Variants in RNF103 observed in about 807,000 individuals in gnomAD.
RNF103 encodes ring finger protein 103.
RNF103 carries 23 observed loss-of-function variants against 66.2 expected under a neutral mutation model. The ratio of observed to expected loss-of-function variants is 0.35; its 90% CI spans 0.25 to 0.49. The LOEUF (loss-of-function observed/expected upper bound fraction) is 0.49, where lower values mean the gene tolerates loss of function less well. RNF103 is among the 20% of genes least tolerant of loss of function. The pLI is 0.98. For synonymous variants in RNF103, 297 were observed against 289.9 expected, an observed-to-expected ratio of 1.02 and a Z score of -0.25; for missense variants, 730 against 814.7, an observed-to-expected ratio of 0.90 and a Z score of 1.27.
intron 2 of RNF103, among the ~76,000 whole-genome samples, chr2:86,615,602 A>G (rs1343613004): frequency 1.3e-5 from 2 of 151,230 alleles, no homozygotes; most frequent in Admixed American, 6.6e-5. Context: ...CTCATATCCT[A>G]GAAGGATGCA....
Position 86,605,240 on chromosome 2 carries a change from C to G in RNF103, c.661G>C (p.Glu221Gln). The change falls in exon 4 of 4, where the codon GAA becomes CAA. Residue 221 changes from glutamate (E) to glutamine (Q), a missense_variant. Physicochemically the swap from Glu to Gln is conservative, Grantham distance 29 (BLOSUM62 2). Transcript: ENST00000237455. ...ASRIKTIYNA[E>Q]HLKEEWNKSD... ...TTATTCCATTCTTCTTTCAAGTGTT[C>G]AGCATTATAAATGGTTTTGATCCGA... The G allele has an allele frequency of 6.2e-7, 1 of 1,614,076 alleles. No individual in the cohort carries two copies. Among genetic ancestry groups the G allele is most frequent in the Non-Finnish European group, 8.5e-7 (1 of 1,180,022 alleles).
intron 3 of RNF103, among the ~76,000 whole-genome samples, chr2:86,605,666 A>G (rs1678519773): frequency 6.6e-6 from 1 of 152,166 alleles, no homozygotes. Flanking sequence ...GAATCAGCAA[A>G]TACTTCAGCA....
rs372442483 is a variant in RNF103 at position 86,620,359 on chromosome 2, C to A, written c.337G>T (p.Asp113Tyr). Residue 113 changes from aspartate (D) to tyrosine (Y), a missense_variant, in exon 2 of 4, where the codon GAC becomes TAC. Asp to Tyr is a radical substitution (Grantham distance 160). Coordinates refer to ENST00000237455, the MANE Select transcript of RNF103 (RefSeq NM_005667.4). ...ACCAGCCAGATGCCATCTTTTGTGTCTTCCACAAGCTCATAGAAGTGCATT... is the reference window on the plus strand; with the variant it reads ...ACCAGCCAGATGCCATCTTTTGTGTATTCCACAAGCTCATAGAAGTGCATT... Reference protein sequence around the residue: ...GEMHFYELVEDTKDGIWLVQV... With the variant: ...GEMHFYELVEYTKDGIWLVQV... 6.2e-7 allele frequency: 1 copy of A among 1,605,724 alleles called. No individual in the cohort carries two copies. Among genetic ancestry groups the A allele is most frequent in the Non-Finnish European group, 8.5e-7 (1 of 1,174,072 alleles).
At chr2:86,615,290 C>A in intron 2 of RNF103, 1 of 927,592 alleles carries the variant, frequency 1.1e-6, no homozygotes, top group Non-Finnish European at 1.3e-6. Flanking sequence ...GTAGGCATTG[C>A]ATGAAAGCAT....
intron 3 of RNF103, among the ~76,000 whole-genome samples, chr2:86,608,312 C>T (rs1413305399): frequency 6.6e-6 from 1 of 151,792 alleles, no homozygotes; most frequent in East Asian, 1.9e-4. Flanking sequence ...CATGGTGAAA[C>T]GCTGTCTCTA....
chr2:86,617,613 A>G lies in RNF103; in HGVS notation c.366+2717T>C, dbSNP rs1679072206. ...GGGTCTTGGAACGCATCCCCCTCAG[A>G]TAAGGGGGGACTACTGTAAACAGAA... On this transcript the variant is annotated intron_variant, in intron 2 of 3. Transcript: ENST00000237455. 6.3e-6 allele frequency: 6 copies of G among 950,194 alleles called. No homozygotes were observed. The African/African-American group carries it at 1.1e-4, about 17-fold the overall frequency. The allele number at this position is 950,194 out of a possible 1,614,324, so 58.9% of individuals were successfully genotyped here.
At chr2:86,614,949 G>C in intron 2 of RNF103, 1 of 985,410 alleles carries the variant, frequency 1.0e-6, no homozygotes, top group Admixed American at 6.1e-5. Flanking sequence ...AAGGAGTTTA[G>C]AGGTTGCCTC....
At position 86,622,939 on chromosome 2, in the gene RNF103, G is replaced by C; in HGVS notation, c.-53C>G. 2 of 1,534,618 alleles carry C rather than the reference G, an allele frequency of 1.3e-6. No homozygotes were observed. The highest frequency in any genetic ancestry group is 1.8e-6 in the Non-Finnish European group (2 of 1,138,438). On this transcript the variant is annotated 5_prime_UTR_variant, in exon 1 of 4. Transcript: ENST00000237455. ...AGAGCTCGGAATACGGGAGAGAGAA[G>C]GGTCGAGGGCGGGGGCCGCGGCTCG...
chr2:86,605,968 G>C (rs1678529276), intron 3 of RNF103, among the ~76,000 whole-genome samples: 1 of 152,152 alleles, frequency 6.6e-6, no homozygotes. Flanking sequence ...CAAGCTCCTT[G>C]AGGGTAGGAG....
Position 86,604,563 on chromosome 2 carries a change from T to C in RNF103, c.1338A>G (p.Glu446=). 1 of 1,614,180 alleles carries C rather than the reference T, an allele frequency of 6.2e-7. No homozygotes were observed. The highest frequency in any genetic ancestry group is 8.5e-7 in the Non-Finnish European group (1 of 1,180,024). ...ACCATTCTAAGTTATTGGCATTGAC[T>C]TCATCATTGTTGTTGTTGCGCCTTC... ...KKRRRNNNND[E]VNANNLEWLS... Residue 446 remains glutamate (E), a synonymous_variant, in exon 4 of 4, where the codon GAA becomes GAG. Coordinates refer to ENST00000237455, the MANE Select transcript of RNF103 (RefSeq NM_005667.4).
Position 86,603,736 on chromosome 2 carries a change from A to G in RNF103, c.*107T>C. 7.0e-7 allele frequency: 1 copy of G among 1,431,246 alleles called. No homozygotes were observed. Among genetic ancestry groups the G allele is most frequent in the South Asian group, 1.4e-5 (1 of 71,880 alleles). 88.7% of individuals were successfully genotyped at this position (1,431,246 alleles called of 1,614,324 possible). A position where few individuals can be genotyped will look rare whatever the true frequency, so the allele number is the denominator to read the frequency against. On this transcript the variant is annotated 3_prime_UTR_variant, in exon 4 of 4. Coordinates refer to ENST00000237455, the MANE Select transcript of RNF103 (RefSeq NM_005667.4). ...ATTAGCATAATGTGTATTTCCCGTC[A>G]CTGCACTAACATTAAACTAAACTTC...
rs767485148 is a variant in RNF103 at position 86,620,481 on chromosome 2, A to G, written c.227-12T>C. 7.0e-6 allele frequency: 11 copies of G among 1,562,920 alleles called. No individual in the cohort carries two copies. The Admixed American group carries it at 1.8e-4, about 25-fold the overall frequency. ...CTCCATCAAGTCACCTGAAGAAAGGAAAAGAATAACACTAATAAGGTTGCA... is the reference window on the plus strand; with the variant it reads ...CTCCATCAAGTCACCTGAAGAAAGGGAAAGAATAACACTAATAAGGTTGCA... On this transcript the variant is annotated splice_polypyrimidine_tract_variant and intron_variant, in intron 1 of 3. Transcript: ENST00000237455.
intron 3 of RNF103, among the ~76,000 whole-genome samples, chr2:86,606,436 G>A (rs1678552261): frequency 1.3e-5 from 2 of 152,006 alleles, no homozygotes; most frequent in African/African-American, 4.8e-5. Flanking sequence ...AGGCCAAGGT[G>A]GGCAGATCAC....
intron 1 of RNF103, 81 bp downstream of exon 1, chr2:86,622,579 TG>T (rs1053400288): frequency 7.1e-6 from 10 of 1,409,314 alleles, no homozygotes; most frequent in Non-Finnish European, 1.0e-5. Context: ...GGCCTCACTC[TG>T]GGGGAACAGC....
chr2:86,623,817 C>A lies in RNF103; in HGVS notation c.-931G>T, dbSNP rs1185202049. 7.8e-7 allele frequency: 1 copy of A among 1,288,100 alleles called. No individual in the cohort carries two copies. Among genetic ancestry groups the A allele is most frequent in the Admixed American group, 2.3e-5 (1 of 43,536 alleles). The allele number at this position is 1,288,100 out of a possible 1,614,324, so 79.8% of individuals were successfully genotyped here. On this transcript the variant is annotated 5_prime_UTR_variant, in exon 1 of 4. In the 5' UTR this introduces an upstream ATG that the reference lacks. Coordinates refer to ENST00000237455, the MANE Select transcript of RNF103 (RefSeq NM_005667.4). Reference sequence around the variant, plus strand: ...CACCTCCGGAGACCGCGGCCGTACCCTCCACAACCGTGTATCAGCGGCGGC... The same window carrying A: ...CACCTCCGGAGACCGCGGCCGTACCATCCACAACCGTGTATCAGCGGCGGC...
Position 86,604,623 on chromosome 2 carries a change from A to C in RNF103, c.1278T>G (p.Gly426=). The change falls in exon 4 of 4, where the codon GGT becomes GGG. Residue 426 remains glycine, a synonymous_variant. Coordinates refer to ENST00000237455, the MANE Select transcript of RNF103 (RefSeq NM_005667.4). ...CAAAGTAATCAATTAGTAAACCATG[A>C]CCAAGGTATGTACTGAGAAACAGGG... ...HPALFLSTYL[G]HGLLIDYFEK... 5 of 1,614,178 alleles carry C rather than the reference A, an allele frequency of 3.1e-6. No individual in the cohort carries two copies. Among genetic ancestry groups the C allele is most frequent in the Non-Finnish European group, 4.2e-6 (5 of 1,180,034 alleles).
Position 86,604,095 on chromosome 2 carries a change from TTCA to T in RNF103, c.1803_1805del (p.Asn601_Glu602delinsLys). On this transcript the variant is annotated inframe_deletion, in exon 4 of 4. Transcript: ENST00000237455. ...AAGTTAACCAATCAGGTTCCATATC[TTCA>T]TTAGTGTTATATGATCCATATGACC... is the stretch of plus-strand genomic sequence containing the variant. The T allele has an allele frequency of 6.2e-7, 1 of 1,613,674 alleles. No individual in the cohort carries two copies. Among genetic ancestry groups the T allele is most frequent in the Non-Finnish European group, 8.5e-7 (1 of 1,180,038 alleles).
At chr2:86,609,212 G>C (rs182889205) in intron 3 of RNF103, among the ~76,000 whole-genome samples, 192 of 152,182 alleles carry the variant, frequency 1.3e-3, no homozygotes, top group African/African-American at 4.5e-3. Context: ...CTGACATAAA[G>C]CCACATGCCC....
At chr2:86,611,575 A>G (rs899761992) in intron 3 of RNF103, among the ~76,000 whole-genome samples, 53 of 152,204 alleles carry the variant, frequency 3.5e-4, no homozygotes, top group African/African-American at 1.1e-3. Flanking sequence ...AAACATAAAC[A>G]AAAACACCTC....
Sources: allele counts gnomAD v4.1 joint callset (sites outside exome capture counted in the v4.1 genomes callset), GRCh38; gene constraint gnomAD v4.1.1; transcripts MANE v1.5; gene names NCBI Gene and HGNC (gene_info 2026-07-23, HGNC 2026-07-21).